ZBBX: variants seen among roughly 807,000 people sequenced by gnomAD.
ZBBX encodes the protein zinc finger B-box domain-containing protein 1.
ZBBX carries 101 observed loss-of-function variants against 108.5 expected under a neutral mutation model. The ratio of observed to expected loss-of-function variants is 0.93; its 90% CI spans 0.79 to 1.10. The LOEUF (loss-of-function observed/expected upper bound fraction) is 1.10, where lower values mean the gene tolerates loss of function less well. Ranked by LOEUF, ZBBX falls within the 50% of genes least tolerant of loss-of-function variation. The pLI is 0.00. For missense variants in ZBBX, 1,009 were observed against 941.4 expected (o/e 1.07, Z -0.94); for synonymous variants, 356 against 323.4 (o/e 1.10, Z -1.08).
At chr3:167,183,791 A>G in the ZBBX span, among the ~76,000 whole-genome samples, 2 of 152,136 alleles carry the variant, frequency 1.3e-5, no homozygotes, top group Admixed American at 6.5e-5. Context: ...TAAACCAACA[A>G]CCTTCAGGAT....
intron 2 of ZBBX, among the ~76,000 whole-genome samples, chr3:167,374,880 T>TC (rs1746704313): frequency 6.6e-6 from 1 of 152,108 alleles, no homozygotes; most frequent in African/African-American, 2.4e-5. Flanking sequence ...AGATGAACAA[T>TC]CCATACTGTT....
At chr3:167,197,487 G>A in the ZBBX span, among the ~76,000 whole-genome samples, 7 of 152,022 alleles carry the variant, frequency 4.6e-5, no homozygotes, top group East Asian at 1.9e-4. Flanking sequence ...GCAGTGAGCC[G>A]AGATTGCACC....
the ZBBX span, among the ~76,000 whole-genome samples, chr3:167,182,545 T>C: frequency 6.6e-6 from 1 of 152,234 alleles, no homozygotes; most frequent in South Asian, 2.1e-4. Context: ...TAAGCTCTTC[T>C]ATGGCATCAT....
At chr3:167,189,257 G>T in the ZBBX span, among the ~76,000 whole-genome samples, 8 of 152,216 alleles carry the variant, frequency 5.3e-5, no homozygotes, top group East Asian at 1.4e-3. Context: ...TATTGGAGGA[G>T]AAAATATATC....
the ZBBX span, among the ~76,000 whole-genome samples, chr3:167,180,800 C>A: frequency 7.1e-4 from 108 of 152,302 alleles, 2 homozygotes; most frequent in Admixed American, 6.6e-3. Context: ...TCTTTTAAAT[C>A]TATGACTATT....
intron 9 of ZBBX, among the ~76,000 whole-genome samples, chr3:167,346,215 T>C (rs1741425462): frequency 7.9e-6 from 1 of 127,164 alleles, no homozygotes; most frequent in South Asian, 2.5e-4. Context: ...TCCTTAATAA[T>C]TGCCTCTCAT....
At chr3:167,359,772 A>G (rs555711040) in intron 8 of ZBBX, 98 bp downstream of exon 8, 16 of 483,562 alleles carry the variant, frequency 3.3e-5, no homozygotes, top group Non-Finnish European at 5.1e-5. Context: ...AAGCAAGTTA[A>G]GTTGGGAGAG....
At chr3:167,228,917 C>T in the ZBBX span, among the ~76,000 whole-genome samples, 2 of 151,716 alleles carry the variant, frequency 1.3e-5, no homozygotes, top group Non-Finnish European at 1.5e-5. Flanking sequence ...CTCTCGCTTG[C>T]TCTTTTTCCA....
At chr3:167,404,339 G>A (rs538220051) in intron 1 of ZBBX, among the ~76,000 whole-genome samples, 2 of 152,276 alleles carry the variant, frequency 1.3e-5, no homozygotes, top group Middle Eastern at 3.4e-3. Flanking sequence ...TAACATTTCT[G>A]CAAGTAGAAA....
upstream of ZBBX, among the ~76,000 whole-genome samples, chr3:167,382,455 T>C (rs1228722950): frequency 6.6e-6 from 1 of 152,118 alleles, no homozygotes; most frequent in African/African-American, 2.4e-5. Flanking sequence ...TCCTGAGGGT[T>C]TTTCCAAACT....
intron 17 of ZBBX, among the ~76,000 whole-genome samples, 171 bp downstream of exon 17, chr3:167,305,472 G>T (rs1245645935): frequency 6.6e-6 from 1 of 151,990 alleles, no homozygotes; most frequent in African/African-American, 2.4e-5. Context: ...TGTCCTAGAG[G>T]CCATTAATGT....
At chr3:167,387,460 T>C (rs555718726) in intron 1 of ZBBX, among the ~76,000 whole-genome samples, 1 of 152,198 alleles carries the variant, frequency 6.6e-6, no homozygotes, top group African/African-American at 2.4e-5. Context: ...TGATGTTCAA[T>C]GTTGGCCTAG....
chr3:167,265,493 A>T (rs1725302316), intron 20 of ZBBX, among the ~76,000 whole-genome samples: 1 of 152,096 alleles, frequency 6.6e-6, no homozygotes, highest in South Asian at 2.1e-4. Context: ...ACTCTCTTTC[A>T]TTATGCAGAA....
At chr3:167,337,620 C>T (rs1333851450) in intron 9 of ZBBX, among the ~76,000 whole-genome samples, 1 of 152,056 alleles carries the variant, frequency 6.6e-6, no homozygotes, top group East Asian at 1.9e-4. Context: ...CAAAATAGTA[C>T]TCCCCAGAGT....
At chr3:167,197,956 T>C in the ZBBX span, among the ~76,000 whole-genome samples, 1 of 152,202 alleles carries the variant, frequency 6.6e-6, no homozygotes, top group Non-Finnish European at 1.5e-5. Flanking sequence ...GTCTGAGCTG[T>C]AAGTACCATA....
At chr3:167,279,739 A>C (rs1207883210) in intron 20 of ZBBX, among the ~76,000 whole-genome samples, 1 of 151,934 alleles carries the variant, frequency 6.6e-6, no homozygotes, top group Non-Finnish European at 1.5e-5. Flanking sequence ...CAGAATTGGA[A>C]AAAACTACTT....
the ZBBX span, among the ~76,000 whole-genome samples, chr3:167,209,261 A>T: frequency 3.9e-5 from 6 of 152,096 alleles, no homozygotes; most frequent in African/African-American, 1.4e-4. Context: ...GCCAGGCATT[A>T]GTTCTCATGG....
At chr3:167,300,026 C>T (rs889690628) in intron 17 of ZBBX, among the ~76,000 whole-genome samples, 1 of 152,164 alleles carries the variant, frequency 6.6e-6, no homozygotes, top group Non-Finnish European at 1.5e-5. Context: ...GATTGGCCAT[C>T]TCCTATAATA....
chr3:167,235,430 T>C (rs1576741690), downstream of ZBBX, among the ~76,000 whole-genome samples: 1 of 151,740 alleles, frequency 6.6e-6, no homozygotes, highest in Non-Finnish European at 1.5e-5. Context: ...TAATTAATTA[T>C]AAAATATGGA....
Sources: gnomAD v4.1 joint callset for allele counts (sites outside exome capture counted in the v4.1 genomes callset) on GRCh38, gnomAD v4.1.1 for gene constraint, MANE v1.5 for transcripts, NCBI Gene and HGNC (gene_info 2026-07-23, HGNC 2026-07-21) for gene names.